The following SYNPR variants were observed in gnomAD, a reference collection of about 807,000 sequenced individuals.
The protein encoded by SYNPR is synaptoporin.
A neutral mutation model predicts 32.9 loss-of-function variants in SYNPR; 23 were observed. That is an observed-to-expected ratio of 0.70 (90% confidence interval 0.50 to 0.99). The LOEUF (loss-of-function observed/expected upper bound fraction) is 0.99, where lower values mean the gene tolerates loss of function less well. Among genes scored for constraint, SYNPR ranks in the 50% least tolerant of loss-of-function variants. The pLI, the probability that SYNPR is intolerant of heterozygous loss-of-function variation, is 0.00. For synonymous variants in SYNPR, 146 were observed against 135.9 expected, an observed-to-expected ratio of 1.07 and a Z score of -0.52; for missense variants, 318 against 349.3, an observed-to-expected ratio of 0.91 and a Z score of 0.71.
At chr3:63,414,531 T>C (rs1302928847) in intron 2 of SYNPR, among the ~76,000 whole-genome samples, 4 of 152,368 alleles carry the variant, frequency 2.6e-5, no homozygotes, top group African/African-American at 9.6e-5. Flanking sequence ...CTTTTCATTA[T>C]TGCAATTCAG....
chr3:63,297,089 C>T (rs2086797101), intron 2 of SYNPR, among the ~76,000 whole-genome samples: 1 of 152,180 alleles, frequency 6.6e-6, no homozygotes, highest in Non-Finnish European at 1.5e-5. Context: ...TTGCCCCATG[C>T]ATCTGGTTTT....
intron 2 of SYNPR, among the ~76,000 whole-genome samples, chr3:63,458,285 T>C (rs1700521091): frequency 6.6e-6 from 1 of 152,092 alleles, no homozygotes; most frequent in Non-Finnish European, 1.5e-5. Context: ...CAAAATTTAA[T>C]GGCTTAAAAC....
chr3:63,287,115 C>A (rs1015249442), intron 2 of SYNPR, among the ~76,000 whole-genome samples: 1 of 152,102 alleles, frequency 6.6e-6, no homozygotes, highest in Admixed American at 6.5e-5. Context: ...TGCTGCCAGT[C>A]GAATGTAATG....
chr3:63,453,202 A>T (rs1292056187), intron 2 of SYNPR, among the ~76,000 whole-genome samples: 1 of 152,156 alleles, frequency 6.6e-6, no homozygotes, highest in African/African-American at 2.4e-5. Flanking sequence ...CCTGGTTGTG[A>T]TGCTAACTGA....
intron 2 of SYNPR, among the ~76,000 whole-genome samples, chr3:63,299,363 T>C (rs2086820707): frequency 1.3e-5 from 2 of 152,192 alleles, no homozygotes; most frequent in African/African-American, 2.4e-5. Flanking sequence ...TGACTCTTAC[T>C]GTGAAGGTCT....
chr3:63,300,991 A>T (rs2106941288), intron 2 of SYNPR, among the ~76,000 whole-genome samples: 1 of 152,242 alleles, frequency 6.6e-6, no homozygotes, highest in African/African-American at 2.4e-5. Context: ...AGGAAGACGT[A>T]GAGTGTTGGA....
At chr3:63,482,698 C>G (rs939158131) in intron 3 of SYNPR, among the ~76,000 whole-genome samples, 5 of 152,192 alleles carry the variant, frequency 3.3e-5, no homozygotes, top group East Asian at 3.8e-4. Context: ...ATGTCTTGTA[C>G]TTTTGCCCCC....
chr3:63,248,038 G>A (rs775765358), intron 1 of SYNPR, among the ~76,000 whole-genome samples: 3 of 152,080 alleles, frequency 2.0e-5, no homozygotes, highest in Non-Finnish European at 2.9e-5. Context: ...AGCACTGAAG[G>A]GATACCTAAC....
intron 2 of SYNPR, among the ~76,000 whole-genome samples, chr3:63,309,006 C>A: frequency 6.6e-6 from 1 of 151,936 alleles, no homozygotes; most frequent in South Asian, 2.1e-4. Context: ...ATTGGTCCCA[C>A]AGATCACTGA....
chr3:63,223,363 G>A (rs1419240817), upstream of SYNPR, among the ~76,000 whole-genome samples: 1 of 109,182 alleles, frequency 9.2e-6, no homozygotes, highest in African/African-American at 3.0e-5. Context: ...TCATTGCAAA[G>A]CTCCTCCAGG....
At chr3:63,211,853 T>C in the SYNPR span, among the ~76,000 whole-genome samples, 1 of 93,176 alleles carries the variant, frequency 1.1e-5, no homozygotes, top group Non-Finnish European at 2.1e-5. Context: ...ATGCTATCCC[T>C]CCCCCCTCCC....
At chr3:63,450,751 G>C (rs9836019) in intron 2 of SYNPR, among the ~76,000 whole-genome samples, 1 of 152,162 alleles carries the variant, frequency 6.6e-6, no homozygotes, top group African/African-American at 2.4e-5. Context: ...TTTGCAGTGG[G>C]CTTGTCACAC....
At position 63,595,752 on chromosome 3, in the gene SYNPR, T is replaced by A. The variant is rs867060501; in HGVS notation, c.409-13373T>A. Among the ~76,000 whole-genome samples the A allele has an allele frequency of 4.5e-3, 152 of 33,678 alleles. 6 individuals carry two copies. Among genetic ancestry groups the A allele is most frequent in the Middle Eastern group, 0.024 (2 of 84 alleles). The allele number at this position is 33,678 out of a possible 152,430, so 22.1% of individuals were successfully genotyped here. ...ATATATATATATATATATATATATA[T>A]ATATATATATATATATAATTTTATA... On this transcript the variant is annotated intron_variant, in intron 4 of 5. Coordinates refer to ENST00000478300, the MANE Select transcript of SYNPR (RefSeq NM_001130003.2).
intron 3 of SYNPR, among the ~76,000 whole-genome samples, chr3:63,506,916 C>T (rs79156580): frequency 0.021 from 3,144 of 152,168 alleles, 44 homozygotes; most frequent in Non-Finnish European, 0.032. Context: ...CAGACTCAAA[C>T]ACCAATAGTG....
At chr3:63,416,848 C>T (rs1388780701) in intron 2 of SYNPR, among the ~76,000 whole-genome samples, 2 of 152,088 alleles carry the variant, frequency 1.3e-5, no homozygotes, top group Non-Finnish European at 2.9e-5. Flanking sequence ...AAAAACCTGC[C>T]CCCATGATTC....
rs188101109 is a variant in SYNPR, at chr3:63,357,363, A to G, written c.84+78621A>G. ...TTTTCTCTCTTTTGAAGAATAATCAATGTCCTGACATTCGAATGGTTTTTA... is the reference window on the plus strand; with the variant it reads ...TTTTCTCTCTTTTGAAGAATAATCAGTGTCCTGACATTCGAATGGTTTTTA... On this transcript the variant is annotated intron_variant, in intron 2 of 5. Coordinates refer to ENST00000478300, the MANE Select transcript of SYNPR (RefSeq NM_001130003.2). Among the ~76,000 whole-genome samples the G allele has an allele frequency of 3.4e-4, 52 of 152,174 alleles. 1 individual carries two copies. The highest frequency in any genetic ancestry group is 1.2e-3 in the African/African-American group (50 of 41,514).
At chr3:63,258,235 C>A (rs553804880) in intron 2 of SYNPR, among the ~76,000 whole-genome samples, 1 of 152,224 alleles carries the variant, frequency 6.6e-6, no homozygotes, top group Non-Finnish European at 1.5e-5. Context: ...TAGACATCTA[C>A]AGAACTCTCC....
At chr3:63,242,047 T>G (rs910003158) in intron 1 of SYNPR, among the ~76,000 whole-genome samples, 25 of 152,168 alleles carry the variant, frequency 1.6e-4, no homozygotes, top group African/African-American at 6.0e-4. Context: ...ACTTTTTCTT[T>G]CAACATGATT....
intron 1 of SYNPR, among the ~76,000 whole-genome samples, chr3:63,246,206 A>T (rs570855394): frequency 6.6e-6 from 1 of 152,124 alleles, no homozygotes; most frequent in Non-Finnish European, 1.5e-5. Context: ...GCAGGCACTG[A>T]CATAATTAAA....
Sources: gnomAD v4.1 joint callset for allele counts (sites outside exome capture counted in the v4.1 genomes callset) on GRCh38, gnomAD v4.1.1 for gene constraint, MANE v1.5 for transcripts, NCBI Gene and HGNC (gene_info 2026-07-23, HGNC 2026-07-21) for gene names.